The following SHANK2 variants were observed in gnomAD, a reference collection of about 807,000 sequenced individuals.
SHANK2 encodes SH3 and multiple ankyrin repeat domains protein 2.
Under a neutral mutation model 133.7 loss-of-function variants are expected in SHANK2, and 43 were observed. The observed-to-expected ratio is 0.32, with a 90% CI of 0.25 to 0.41. SHANK2 has a LOEUF of 0.41. Among genes scored for constraint, SHANK2 ranks in the 10% least tolerant of loss-of-function variants. SHANK2 has a pLI of 1.00. For synonymous variants in SHANK2, 1,017 were observed against 952.8 expected (o/e 1.07, Z -1.24); for missense variants, 1,994 against 2,235.8 (o/e 0.89, Z 2.18).
chr11:71,130,343 T>A (rs1952276804), intron 3 of SHANK2, among the ~76,000 whole-genome samples: 1 of 152,182 alleles, frequency 6.6e-6, no homozygotes, highest in Non-Finnish European at 1.5e-5. Context: ...CCGAAAAGTA[T>A]CCGGCCTGCC....
intron 14 of SHANK2, among the ~76,000 whole-genome samples, chr11:70,788,659 T>C (rs1481728166): frequency 6.6e-6 from 1 of 152,170 alleles, no homozygotes; most frequent in East Asian, 1.9e-4. Context: ...AGGGGACTGC[T>C]GCAGTCACAA....
chr11:71,141,873 G>C (rs1952560086), intron 3 of SHANK2, among the ~76,000 whole-genome samples: 1 of 151,898 alleles, frequency 6.6e-6, no homozygotes, highest in South Asian at 2.1e-4. Flanking sequence ...ACCTAGACGA[G>C]ACAGGCAGAA....
intron 2 of SHANK2, among the ~76,000 whole-genome samples, chr11:71,185,091 C>G (rs1002998845): frequency 4.6e-5 from 7 of 152,324 alleles, no homozygotes; most frequent in African/African-American, 1.4e-4. Context: ...GTGCTCTCCC[C>G]ACCAGGGGTA....
intron 3 of SHANK2, among the ~76,000 whole-genome samples, chr11:71,122,049 G>A (rs1174861536): frequency 6.6e-6 from 1 of 152,206 alleles, no homozygotes; most frequent in East Asian, 1.9e-4. Flanking sequence ...CTGTTGGTAG[G>A]AGTGTACACT....
intron 17 of SHANK2, among the ~76,000 whole-genome samples, chr11:70,530,142 G>A (rs1554972897): frequency 6.6e-6 from 1 of 152,192 alleles, no homozygotes; most frequent in Non-Finnish European, 1.5e-5. Flanking sequence ...TAACCAAGAG[G>A]TGGGAGCAAC....
chr11:70,581,497 T>A (rs1194852355), intron 17 of SHANK2, among the ~76,000 whole-genome samples: 1 of 152,020 alleles, frequency 6.6e-6, no homozygotes, highest in African/African-American at 2.4e-5. Flanking sequence ...TTGAGACCAG[T>A]CTGGCCAATA....
intron 15 of SHANK2, among the ~76,000 whole-genome samples, chr11:70,683,459 C>G (rs1945073042): frequency 6.6e-6 from 1 of 152,242 alleles, no homozygotes; most frequent in Non-Finnish European, 1.5e-5. Flanking sequence ...ATCTCTGTGT[C>G]TGTTAGCTCA....
At chr11:70,536,938 C>T (rs1255709357) in intron 17 of SHANK2, among the ~76,000 whole-genome samples, 2 of 152,148 alleles carry the variant, frequency 1.3e-5, no homozygotes, top group Non-Finnish European at 2.9e-5. Context: ...GAGGACAGAG[C>T]AGAGGACCCT....
chr11:70,510,912 G>A (rs1341439666), intron 17 of SHANK2, among the ~76,000 whole-genome samples: 1 of 152,226 alleles, frequency 6.6e-6, no homozygotes, highest in Non-Finnish European at 1.5e-5. Flanking sequence ...CTCAGAGCCA[G>A]CCCCAACCAA....
intron 10 of SHANK2, among the ~76,000 whole-genome samples, chr11:70,905,809 T>C (rs1409856193): frequency 1.4e-5 from 2 of 147,726 alleles, no homozygotes; most frequent in Admixed American, 1.3e-4. Context: ...TTATGTTTTT[T>C]TTTTTTTTTT....
chr11:71,193,275 G>C (rs1953827557), intron 2 of SHANK2, among the ~76,000 whole-genome samples: 1 of 152,194 alleles, frequency 6.6e-6, no homozygotes, highest in Admixed American at 6.5e-5. Context: ...CATGGGTTCT[G>C]GGGCCGTCTC....
chr11:70,794,215 A>T (rs191734659), intron 14 of SHANK2, among the ~76,000 whole-genome samples: 1 of 146,934 alleles, frequency 6.8e-6, no homozygotes, highest in East Asian at 2.2e-4. Context: ...CTGGAGTGGG[A>T]GTTTGCAGTG....
chr11:70,846,412 T>C (rs782330111), intron 11 of SHANK2, among the ~76,000 whole-genome samples: 44 of 151,952 alleles, frequency 2.9e-4, no homozygotes, highest in Non-Finnish European at 4.9e-4. Context: ...TACAGGCATG[T>C]GCCACCATGC....
intron 21 of SHANK2, among the ~76,000 whole-genome samples, chr11:70,494,278 G>A (rs2058937674): frequency 6.6e-6 from 1 of 152,274 alleles, no homozygotes; most frequent in African/African-American, 2.4e-5. Context: ...GGCCAGTCCT[G>A]CCCCCACCGG....
Position 70,487,284 on chromosome 11 carries a change from G to T in SHANK2, c.3009C>A (p.Pro1003=), listed in dbSNP as rs782346253. 1.2e-6 allele frequency: 2 copies of T among 1,614,194 alleles called. No homozygotes were observed. The highest frequency in any genetic ancestry group is 1.3e-5 in the African/African-American group (1 of 75,064). ...GKIASKAVYV[P]AKPARRKGML... ...TCCCCTTCCGCCTGGCGGGCTTGGC[G>T]GGGACGTAGACGGCTTTGCTGGCGA... The change falls in exon 25 of 26, where the codon CCC becomes CCA. Residue 1003 remains proline, a synonymous_variant. Coordinates refer to ENST00000601538, the MANE Select transcript of SHANK2 (RefSeq NM_012309.5). The surrounding 1 kb of genome is among the most constrained non-coding windows in gnomAD (Gnocchi z 5.8).
intron 10 of SHANK2, among the ~76,000 whole-genome samples, chr11:70,900,637 A>G (rs1015639929): frequency 2.0e-5 from 3 of 152,130 alleles, no homozygotes; most frequent in African/African-American, 7.2e-5. Context: ...GGTCTAAAGG[A>G]CTCAACTCAC....
At chr11:70,918,929 C>T (rs1555080313) in intron 10 of SHANK2, among the ~76,000 whole-genome samples, 1 of 152,056 alleles carries the variant, frequency 6.6e-6, no homozygotes, top group East Asian at 1.9e-4. Flanking sequence ...TTTGAGAGGC[C>T]AAGGCGGATG....
At chr11:70,939,000 G>C (rs1950607718) in intron 10 of SHANK2, among the ~76,000 whole-genome samples, 1 of 152,120 alleles carries the variant, frequency 6.6e-6, no homozygotes, top group Admixed American at 6.5e-5. Flanking sequence ...GAGACACTAG[G>C]GCGCCGGAAC....
In SHANK2 at chr11:70,807,058, G is replaced by C; in HGVS notation, c.1607C>G (p.Pro536Arg). The change falls in exon 13 of 26, where the codon CCA becomes CGA. Residue 536 changes from proline (P) to arginine (R), a missense_variant. Pro to Arg is a moderately radical substitution (Grantham distance 103, BLOSUM62 -2). Coordinates refer to ENST00000601538, the MANE Select transcript of SHANK2 (RefSeq NM_012309.5). This position sits in a 1 kb window ranked among gnomAD's most constrained non-coding sequence, Gnocchi z 4.8. ...CTCGCCGTCCACTTGGGGTTGGTAT[G>C]GCTTGACAGCGACGAAGAGCCTCCC... ...VPGRLFVAVK[P>R]YQPQVDGEIP... 1 of 718,072 alleles carries C rather than the reference G, an allele frequency of 1.4e-6. No homozygotes were observed. The highest frequency in any genetic ancestry group is 2.7e-5 in the East Asian group (1 of 37,248). 44.5% of individuals were successfully genotyped at this position (718,072 alleles called of 1,614,324 possible).
Sources: allele counts gnomAD v4.1 joint callset (sites outside exome capture counted in the v4.1 genomes callset), GRCh38; gene constraint gnomAD v4.1.1; non-coding constraint Gnocchi (gnomAD v3.1); transcripts MANE v1.5; gene names NCBI Gene and HGNC (gene_info 2026-07-23, HGNC 2026-07-21).